FILIP1L: variants seen among roughly 807,000 people sequenced by gnomAD.
The protein encoded by FILIP1L is filamin A interacting protein 1 like, also known as filamin A-interacting protein 1-like.
A neutral mutation model predicts 96.6 loss-of-function variants in FILIP1L; 55 were observed. The ratio of observed to expected loss-of-function variants is 0.57; its 90% CI spans 0.46 to 0.71. FILIP1L has a LOEUF of 0.71. FILIP1L is among the 30% of genes least tolerant of loss of function. The pLI, the probability that FILIP1L is intolerant of heterozygous loss-of-function variation, is 0.00. For synonymous variants in FILIP1L, 467 were observed against 473.9 expected, an observed-to-expected ratio of 0.99 and a Z score of 0.19; for missense variants, 1,304 against 1,321.2, an observed-to-expected ratio of 0.99 and a Z score of 0.20.
chr3:100,107,038 C>G (rs1335161985), intron 1 of FILIP1L, among the ~76,000 whole-genome samples: 1 of 152,128 alleles, frequency 6.6e-6, no homozygotes, highest in Non-Finnish European at 1.5e-5. Context: ...GATTTTGTTA[C>G]ACAGCCAAGA....
intron 4 of FILIP1L, among the ~76,000 whole-genome samples, chr3:99,856,309 T>A (rs1943963429): frequency 6.6e-6 from 1 of 152,196 alleles, no homozygotes; most frequent in African/African-American, 2.4e-5. Context: ...AGTATAGGTA[T>A]GAATAGTGGA....
chr3:100,072,901 G>A (rs962205832), intron 1 of FILIP1L, among the ~76,000 whole-genome samples: 7 of 152,060 alleles, frequency 4.6e-5, no homozygotes, highest in Non-Finnish European at 8.8e-5. Context: ...TGAAAACCTC[G>A]CCAGAAGAGT....
intron 1 of FILIP1L, among the ~76,000 whole-genome samples, chr3:100,025,025 A>G (rs560317045): frequency 6.6e-6 from 1 of 152,270 alleles, no homozygotes; most frequent in Non-Finnish European, 1.5e-5. Flanking sequence ...TACTTTACCC[A>G]TAGTTTTTGT....
intron 4 of FILIP1L, among the ~76,000 whole-genome samples, chr3:99,886,245 GGGGAATGAGTGTAAA>G (rs1705892365): frequency 1.4e-5 from 1 of 73,734 alleles, no homozygotes; most frequent in African/African-American, 5.7e-5. Flanking sequence ...CCTGGTGAGA[GGGGAATGAGTGTAAA>G]GCAGGGATGT....
intron 1 of FILIP1L, among the ~76,000 whole-genome samples, chr3:100,061,551 G>A (rs2065566797): frequency 6.6e-6 from 1 of 152,188 alleles, no homozygotes; most frequent in African/African-American, 2.4e-5. Flanking sequence ...GAAAGAAGAT[G>A]GAACTTTTTT....
chr3:99,850,632 T>C lies in FILIP1L; in HGVS notation c.1044A>G (p.Glu348=). Reference sequence around the variant, plus strand: ...TTTCTTTTATATCTTGCAGCTCCTCTTCTGCTTTTCGTAAAGACCTGTTTG... The same window carrying C: ...TTTCTTTTATATCTTGCAGCTCCTCCTCTGCTTTTCGTAAAGACCTGTTTG... ...EETNRSLRKA[E]EELQDIKEKI... Residue 348 remains glutamate, a synonymous_variant, in exon 5 of 6, where the codon GAA becomes GAG. Coordinates refer to ENST00000477258, the MANE Select transcript of FILIP1L (RefSeq NM_001387850.1). The C allele has an allele frequency of 6.2e-7, 1 of 1,614,078 alleles. No homozygotes were observed. Among genetic ancestry groups the C allele is most frequent in the Non-Finnish European group, 8.5e-7 (1 of 1,180,020 alleles).
intron 1 of FILIP1L, among the ~76,000 whole-genome samples, chr3:99,956,747 T>A (rs1487435828): frequency 6.6e-6 from 1 of 152,204 alleles, no homozygotes; most frequent in Non-Finnish European, 1.5e-5. Flanking sequence ...CACTATTGGT[T>A]CTTTTTCCAC....
At chr3:100,048,991 G>A (rs1012784641) in intron 1 of FILIP1L, among the ~76,000 whole-genome samples, 3 of 152,158 alleles carry the variant, frequency 2.0e-5, no homozygotes, top group Non-Finnish European at 4.4e-5. Context: ...AAACCTAATG[G>A]ATTACATCTT....
chr3:99,886,412 A>AG (rs1420063764), intron 4 of FILIP1L, among the ~76,000 whole-genome samples: 6 of 151,180 alleles, frequency 4.0e-5, no homozygotes, highest in Admixed American at 1.3e-4. Flanking sequence ...ATACCTGATG[A>AG]GAAAAAAAAA....
chr3:99,993,587 C>T (rs1709587190), intron 1 of FILIP1L, among the ~76,000 whole-genome samples: 1 of 152,012 alleles, frequency 6.6e-6, no homozygotes, highest in Non-Finnish European at 1.5e-5. Flanking sequence ...AACTTTTCCC[C>T]ATTAAGTATG....
rs188622899 is a variant in FILIP1L at position 99,911,884 on chromosome 3, A to T, written c.605+12346T>A. 2.0e-5 allele frequency among the ~76,000 whole-genome samples: 3 copies of T among 152,328 alleles called. No individual in the cohort carries two copies. In the East Asian group the frequency reaches 5.8e-4, roughly 29 times the overall value. ...TGTTAAGTTAAATGAAAGAATGGAT[A>T]ACAAATATCCCCCATTTTCTCTCTT... On this transcript the variant is annotated intron_variant, in intron 4 of 5. Coordinates refer to ENST00000477258, the MANE Select transcript of FILIP1L (RefSeq NM_001387850.1).
chr3:99,990,496 A>G (rs907502261), intron 1 of FILIP1L, among the ~76,000 whole-genome samples: 1 of 152,220 alleles, frequency 6.6e-6, no homozygotes, highest in African/African-American at 2.4e-5. Flanking sequence ...TTAAAGTCAA[A>G]CTAACAAATG....
chr3:99,857,390 G>A (rs921596701), intron 4 of FILIP1L, among the ~76,000 whole-genome samples: 1 of 152,178 alleles, frequency 6.6e-6, no homozygotes, highest in African/African-American at 2.4e-5. Flanking sequence ...TTGCTTGTTT[G>A]AGGAGAACAG....
At chr3:99,864,754 G>A (rs887539217) in intron 4 of FILIP1L, among the ~76,000 whole-genome samples, 33 of 151,926 alleles carry the variant, frequency 2.2e-4, no homozygotes, top group African/African-American at 5.3e-4. Context: ...AACAGAACAC[G>A]GCATGGTGTG....
intron 1 of FILIP1L, among the ~76,000 whole-genome samples, chr3:100,017,263 G>A (rs565981712): frequency 1.6e-3 from 241 of 152,284 alleles, no homozygotes; most frequent in African/African-American, 5.3e-3. Context: ...TATACAGAGC[G>A]GAAAGCACTA....
intron 1 of FILIP1L, among the ~76,000 whole-genome samples, chr3:100,073,122 G>T (rs902837465): frequency 1.3e-5 from 2 of 152,182 alleles, no homozygotes; most frequent in African/African-American, 4.8e-5. Flanking sequence ...TTTTAAGAAT[G>T]CTGTTATATT....
intron 1 of FILIP1L, among the ~76,000 whole-genome samples, chr3:100,109,240 A>G (rs1407249308): frequency 6.6e-6 from 1 of 152,110 alleles, no homozygotes; most frequent in African/African-American, 2.4e-5. Flanking sequence ...TTTTCAATGA[A>G]AATCTGCAAG....
At chr3:99,890,085 A>G (rs1230052601) in intron 4 of FILIP1L, among the ~76,000 whole-genome samples, 1 of 151,958 alleles carries the variant, frequency 6.6e-6, no homozygotes, top group Non-Finnish European at 1.5e-5. Flanking sequence ...CTCTTTGCAC[A>G]CTGTATTTAT....
At chr3:100,000,874 CT>C (rs1709821901) in intron 1 of FILIP1L, among the ~76,000 whole-genome samples, 1 of 152,158 alleles carries the variant, frequency 6.6e-6, no homozygotes, top group Non-Finnish European at 1.5e-5. Context: ...TACTCAGTAA[CT>C]ATGTTGTATA....
Sources: allele counts gnomAD v4.1 joint callset (sites outside exome capture counted in the v4.1 genomes callset), GRCh38; gene constraint gnomAD v4.1.1; transcripts MANE v1.5; gene names NCBI Gene and HGNC (gene_info 2026-07-23, HGNC 2026-07-21).